The following MYO16 variants were observed in gnomAD, a reference collection of about 807,000 sequenced individuals.
The protein encoded by MYO16 is myosin XVI.
A neutral mutation model predicts 205.3 loss-of-function variants in MYO16; 94 were observed. The ratio of observed to expected loss-of-function variants is 0.46; its 90% CI spans 0.39 to 0.54. The LOEUF (loss-of-function observed/expected upper bound fraction) is 0.54. MYO16 is among the 20% of genes least tolerant of loss of function. The pLI is 0.00. For synonymous variants in MYO16, 988 were observed against 954.0 expected (o/e 1.04, Z -0.66); for missense variants, 2,315 against 2,387.5 (o/e 0.97, Z 0.63).
At chr13:108,741,553 T>C (rs1029665127) in intron 4 of MYO16, among the ~76,000 whole-genome samples, 2 of 152,192 alleles carry the variant, frequency 1.3e-5, no homozygotes, top group Admixed American at 1.3e-4. Flanking sequence ...AGGTGTATTA[T>C]TTGATCTCAG....
chr13:108,930,712 TAAGAA>T (rs893954621), intron 16 of MYO16, among the ~76,000 whole-genome samples: 5 of 151,968 alleles, frequency 3.3e-5, no homozygotes, highest in African/African-American at 9.7e-5. Flanking sequence ...TTAATCAACA[TAAGAA>T]AAGAAATGAA....
At chr13:108,600,899 C>G (rs539443394) in intron 1 of MYO16, among the ~76,000 whole-genome samples, 2 of 152,100 alleles carry the variant, frequency 1.3e-5, no homozygotes, top group Admixed American at 6.5e-5. Flanking sequence ...TATTTTCCAG[C>G]AGGTCTTATT....
chr13:109,142,838 C>CT, intron 32 of MYO16, among the ~76,000 whole-genome samples: 2 of 152,282 alleles, frequency 1.3e-5, no homozygotes, highest in Non-Finnish European at 2.9e-5. Context: ...CCCTGAGCTG[C>CT]TGCCCAGCCC....
At chr13:108,892,678 TC>T (rs570667780) in intron 14 of MYO16, among the ~76,000 whole-genome samples, 192 of 152,278 alleles carry the variant, frequency 1.3e-3, no homozygotes, top group Admixed American at 3.5e-3. Flanking sequence ...TAAAATAGCC[TC>T]AAGTTAACTA....
At chr13:108,949,741 A>T in intron 16 of MYO16, among the ~76,000 whole-genome samples, 1 of 152,168 alleles carries the variant, frequency 6.6e-6, no homozygotes. Context: ...GAAGAATAAA[A>T]TCAGAGGAAC....
At chr13:108,533,936 A>G in the MYO16 span, among the ~76,000 whole-genome samples, 28 of 152,262 alleles carry the variant, frequency 1.8e-4, 1 homozygote, top group South Asian at 5.8e-3. Flanking sequence ...GAAATTTTAT[A>G]TCACCTTCCT....
chr13:109,081,021 GAC>G lies in MYO16; in HGVS notation c.3336-19762_3336-19761del, dbSNP rs1309715931. 9.9e-5 allele frequency among the ~76,000 whole-genome samples: 15 copies of G among 152,070 alleles called. 1 individual carries two copies. In the East Asian group the frequency reaches 2.1e-3, roughly 22 times the overall value. On this transcript the variant is annotated intron_variant, in intron 27 of 34. Transcript: ENST00000457511. ...TATTTCAAGCAAACAAAAACGTATT[GAC>G]AGACTTGAAAGTTATAAGTCATATG...
chr13:108,776,682 G>C (rs1249435020), intron 4 of MYO16, among the ~76,000 whole-genome samples: 2 of 152,126 alleles, frequency 1.3e-5, no homozygotes, highest in African/African-American at 4.8e-5. Context: ...TGGCCATTTT[G>C]CAGGTTGCAC....
At chr13:108,770,507 A>C (rs995592528) in intron 4 of MYO16, among the ~76,000 whole-genome samples, 1 of 152,184 alleles carries the variant, frequency 6.6e-6, no homozygotes, top group South Asian at 2.1e-4. Flanking sequence ...AAAATCTGTG[A>C]ACTCCTCCTC....
intron 28 of MYO16, among the ~76,000 whole-genome samples, chr13:109,111,690 C>CT (rs35057363): frequency 0.032 from 4,585 of 144,238 alleles, 218 homozygotes; most frequent in African/African-American, 0.1. Flanking sequence ...TGATTGTAGA[C>CT]TTTTTTTTTT....
At chr13:108,622,631 A>C (rs1879587044) in intron 1 of MYO16, among the ~76,000 whole-genome samples, 2 of 139,278 alleles carry the variant, frequency 1.4e-5, no homozygotes, top group Admixed American at 7.1e-5. Context: ...AGGAAGAGAA[A>C]AGGAGGAGGG....
chr13:108,587,929 G>A, the MYO16 span, among the ~76,000 whole-genome samples: 977 of 152,242 alleles, frequency 6.4e-3, 16 homozygotes, highest in African/African-American at 0.023. Flanking sequence ...ATTACATGAA[G>A]CACTTAGATC....
intron 1 of MYO16, among the ~76,000 whole-genome samples, chr13:108,637,625 A>G (rs1308296846): frequency 6.6e-6 from 1 of 152,204 alleles, no homozygotes; most frequent in Non-Finnish European, 1.5e-5. Flanking sequence ...TTGTAATCCC[A>G]GCACTTTGGG....
chr13:109,108,803 G>A (rs1170340409), intron 28 of MYO16, among the ~76,000 whole-genome samples: 2 of 152,124 alleles, frequency 1.3e-5, no homozygotes, highest in African/African-American at 2.4e-5. Context: ...AGAAGGAGCT[G>A]GGGACGTGCT....
chr13:108,856,323 GT>G (rs201535958), intron 11 of MYO16, among the ~76,000 whole-genome samples: 1 of 151,674 alleles, frequency 6.6e-6, no homozygotes, highest in East Asian at 1.9e-4. Flanking sequence ...GATAACACTT[GT>G]TTTTTTTCTA....
intron 33 of MYO16, among the ~76,000 whole-genome samples, chr13:109,165,813 TTC>T (rs1218378824): frequency 2.6e-5 from 4 of 152,182 alleles, no homozygotes; most frequent in Admixed American, 6.5e-5. Flanking sequence ...CAAGTTGTGC[TTC>T]TGACTGCCTT....
chr13:109,165,165 T>C, intron 33 of MYO16, 106 bp downstream of exon 33: 1 of 813,646 alleles, frequency 1.2e-6, no homozygotes, highest in Non-Finnish European at 1.9e-6. Flanking sequence ...GGTTAAGAAC[T>C]GGAAAATAGA....
At position 109,120,379 on chromosome 13, in the gene MYO16, C is replaced by G; in HGVS notation, c.3448C>G (p.Arg1150Gly). Residue 1150 changes from arginine to glycine, a missense_variant, in exon 29 of 35, where the codon CGA becomes GGA. Arg to Gly is a moderately radical substitution (Grantham distance 125). Around this residue, in one of 3 missense-constraint regions of MYO16, gnomAD observed 1,097 missense variants for 1,092.0 expected, o/e 1.00. Coordinates refer to ENST00000457511, the MANE Select transcript of MYO16 (RefSeq NM_001198950.3). ...CKLQGWQMGV[R>G]KVFLKYWHAD... ...GCTGTTTGCATTTTAGATGGGAGTC[C>G]GAAAAGTGTTTCTAAAATACTGGCA... The G allele has an allele frequency of 6.2e-7, 1 of 1,601,136 alleles. No individual in the cohort carries two copies. Among genetic ancestry groups the G allele is most frequent in the Non-Finnish European group, 8.5e-7 (1 of 1,174,164 alleles).
At chr13:109,007,409 A>AG (rs1265042424) in intron 21 of MYO16, among the ~76,000 whole-genome samples, 1 of 152,052 alleles carries the variant, frequency 6.6e-6, no homozygotes, top group East Asian at 1.9e-4. Context: ...AAAAAAAAAA[A>AG]GAAATGTGCA....
Sources: gnomAD v4.1 joint callset for allele counts (sites outside exome capture counted in the v4.1 genomes callset) on GRCh38, gnomAD v4.1.1 for gene constraint, gnomAD v4.1.1 regional missense constraint, MANE v1.5 for transcripts, NCBI Gene and HGNC (gene_info 2026-07-23, HGNC 2026-07-21) for gene names.